MCM5: variants seen among roughly 807,000 people sequenced by gnomAD.
MCM5 encodes DNA replication licensing factor MCM5.
MCM5 carries 46 observed loss-of-function variants against 79.9 expected under a neutral mutation model. The observed-to-expected ratio is 0.58, with a 90% CI of 0.45 to 0.74. MCM5 has a LOEUF of 0.74. Among genes scored for constraint, MCM5 ranks in the 30% least tolerant of loss-of-function variants. The pLI is 0.00. For missense variants in MCM5, 883 were observed against 1,017.0 expected (o/e 0.87, Z 1.79); for synonymous variants, 404 against 390.5 (o/e 1.03, Z -0.41).
intron 12 of MCM5, among the ~76,000 whole-genome samples, chr22:35,417,131 A>G (rs566702061): frequency 6.6e-6 from 1 of 152,316 alleles, no homozygotes; most frequent in African/African-American, 2.4e-5. Context: ...ATAGAACCTC[A>G]GTTCTGGTTA....
In MCM5 at chr22:35,410,924, G is replaced by C. The variant is rs775760273; in HGVS notation, c.919+14G>C. On this transcript the variant is annotated intron_variant, in intron 7 of 16. Coordinates refer to ENST00000216122, the MANE Select transcript of MCM5 (RefSeq NM_006739.4). ...CAGATGGCTCTGGTGAGTTGGCTTT[G>C]GGGTCCTGGCTTAGCCCTGCTAAAA... The C allele has an allele frequency of 8.9e-6, 14 of 1,581,488 alleles. No homozygotes were observed. The highest frequency in any genetic ancestry group is 1.2e-5 in the Non-Finnish European group (14 of 1,160,924).
chr22:35,416,201 A>T, intron 10 of MCM5, 138 bp from the exon 11 acceptor site: 1 of 951,520 alleles, frequency 1.1e-6, no homozygotes, highest in Non-Finnish European at 1.6e-6. Context: ...CCATGATTAG[A>T]GGTGACCTGG....
intron 15 of MCM5, 76 bp from the exon 16 acceptor site, chr22:35,423,138 T>G: frequency 6.9e-7 from 1 of 1,456,982 alleles, no homozygotes; most frequent in Non-Finnish European, 9.2e-7. Flanking sequence ...TGTTCTTCCT[T>G]GGGCTAGAGG....
the MCM5 span, among the ~76,000 whole-genome samples, chr22:35,434,000 C>T: frequency 2.0e-5 from 3 of 152,204 alleles, no homozygotes; most frequent in Middle Eastern, 3.2e-3. Flanking sequence ...GGAAATCCTG[C>T]CATTGAATGC....
chr22:35,415,441 G>A (rs1045162776), intron 9 of MCM5, among the ~76,000 whole-genome samples: 1 of 151,990 alleles, frequency 6.6e-6, no homozygotes, highest in Non-Finnish European at 1.5e-5. Flanking sequence ...ATATAGAGAC[G>A]ACAAGGGACT....
intron 13 of MCM5, among the ~76,000 whole-genome samples, 157 bp downstream of exon 13, chr22:35,418,013 AACC>A (rs1932592534): frequency 6.6e-6 from 1 of 152,090 alleles, no homozygotes; most frequent in Non-Finnish European, 1.5e-5. Context: ...GCTCCCTTCT[AACC>A]TTGCGTAGCT....
Position 35,415,856 on chromosome 22 carries a change from G to T in MCM5, c.1231G>T (p.Ala411Ser). The T allele has an allele frequency of 6.2e-7, 1 of 1,613,792 alleles. No homozygotes were observed. The change falls in exon 10 of 17, where the codon GCA becomes TCA. Residue 411 changes from alanine (A) to serine (S), a missense_variant. By Grantham distance (99) the Ala-to-Ser change is moderately conservative. Transcript: ENST00000216122. Reference protein sequence around the residue: ...GVYTSGKGSSAAGLTASVMRD... With the variant: ...GVYTSGKGSSSAGLTASVMRD... ...ATACACGTCTGGGAAAGGCAGCAGC[G>T]CAGCTGGACTGACAGCCTCGGTGAT... is the stretch of plus-strand genomic sequence containing the variant.
intron 7 of MCM5, among the ~76,000 whole-genome samples, chr22:35,412,231 A>C (rs1601757203): frequency 6.6e-6 from 1 of 152,040 alleles, no homozygotes; most frequent in South Asian, 2.1e-4. Context: ...GAAAGGGGAG[A>C]CCTTCCAGTG....
the MCM5 span, among the ~76,000 whole-genome samples, chr22:35,437,394 T>C: frequency 6.6e-6 from 1 of 151,788 alleles, no homozygotes; most frequent in East Asian, 1.9e-4. Flanking sequence ...ATAACAAGAG[T>C]TGGGTGGGCC....
At chr22:35,453,427 C>CAGAGACAGAGACAGGGACAGAGAGAT in the MCM5 span, among the ~76,000 whole-genome samples, 10 of 143,072 alleles carry the variant, frequency 7.0e-5, no homozygotes, top group South Asian at 2.2e-3. Context: ...CAGAGAGACA[C>CAGAGACAGAGACAGGGACAGAGAGAT]AGAGACAGAG....
At chr22:35,424,011 TA>T in intron 16 of MCM5, 142 bp from the exon 17 acceptor site, 1 of 596,314 alleles carries the variant, frequency 1.7e-6, no homozygotes, top group Non-Finnish European at 3.0e-6. Flanking sequence ...CAGTGTCTGG[TA>T]CACAGTGGGC....
Position 35,413,989 on chromosome 22 carries a change from G to T in MCM5, c.1203+3G>T, listed in dbSNP as rs759975147. On this transcript the variant is annotated splice_donor_region_variant and intron_variant, in intron 9 of 16. Coordinates refer to ENST00000216122, the MANE Select transcript of MCM5 (RefSeq NM_006739.4). ...TGGAGAAGTGTTCTCCCATTGGGGT[G>T]AGTGGCCTGGGATACCTTTGCCACC... 2 of 1,605,980 alleles carry T rather than the reference G, an allele frequency of 1.2e-6. No homozygotes were observed. Among genetic ancestry groups the T allele is most frequent in the East Asian group, 2.2e-5 (1 of 44,846 alleles).
chr22:35,416,272 C>T (rs1246507941), intron 10 of MCM5, 67 bp from the exon 11 acceptor site: 2 of 1,484,024 alleles, frequency 1.3e-6, no homozygotes, highest in East Asian at 2.3e-5. Context: ...GTTAGTTTTC[C>T]TGTTTCTACT....
rs4645766 is a variant in MCM5, at chr22:35,407,608, A to G, written c.597-800A>G. 6.5e-3 allele frequency among the ~76,000 whole-genome samples: 991 copies of G among 152,138 alleles called. 6 individuals carry two copies. The highest frequency in any genetic ancestry group is 9.2e-3 in the Non-Finnish European group (625 of 67,986). ...TGCCTTTGACCTTGCTGTTTCCTCT[A>G]CTGGGAGTGCTGTTCCTCAAGCTAC... is the stretch of plus-strand genomic sequence containing the variant. On this transcript the variant is annotated intron_variant, in intron 5 of 16. Transcript: ENST00000216122.
At position 35,424,305 on chromosome 22, in the gene MCM5, T is replaced by C; in HGVS notation, c.*50T>C. 1 of 1,300,444 alleles carries C rather than the reference T, an allele frequency of 7.7e-7. No individual in the cohort carries two copies. The highest frequency in any genetic ancestry group is 1.1e-6 in the Non-Finnish European group (1 of 939,088). 80.6% of individuals were successfully genotyped at this position (1,300,444 alleles called of 1,614,324 possible). A position where few individuals can be genotyped will look rare whatever the true frequency, so the allele number is the denominator to read the frequency against. ...GGACTCGCCCACGCCTCGCCCCTCC[T>C]GCCGCTGCCTGCCATTGACAATGTT... On this transcript the variant is annotated 3_prime_UTR_variant, in exon 17 of 17. Coordinates refer to ENST00000216122, the MANE Select transcript of MCM5 (RefSeq NM_006739.4).
chr22:35,412,982 G>C (rs555902867), intron 8 of MCM5, among the ~76,000 whole-genome samples: 4 of 152,096 alleles, frequency 2.6e-5, no homozygotes, highest in African/African-American at 7.2e-5. Context: ...ACTGAGCTTG[G>C]GGTCAGTAGC....
At position 35,403,492 on chromosome 22, in the gene MCM5, C is replaced by T; in HGVS notation, c.373C>T (p.Gln125Ter). Residue 125 changes from glutamine to a stop codon, truncating the protein, a stop_gained, in exon 4 of 17, where the codon CAG (glutamine) becomes TAG (stop). Coordinates refer to ENST00000216122, the MANE Select transcript of MCM5 (RefSeq NM_006739.4). LOFTEE classifies it high-confidence loss of function. ...PSGEEVLQDI[Q>*]VMLKSDASPS... ...TGGGGAGGAGGTGCTCCAGGACATC[C>T]AGGTCATGCTCAAGTCGGACGCCAG... 2.5e-6 allele frequency: 4 copies of T among 1,614,132 alleles called. No homozygotes were observed. Among genetic ancestry groups the T allele is most frequent in the Non-Finnish European group, 3.4e-6 (4 of 1,180,022 alleles).
intron 4 of MCM5, among the ~76,000 whole-genome samples, chr22:35,404,205 A>G (rs1023578616): frequency 1.3e-5 from 2 of 152,246 alleles, no homozygotes; most frequent in Non-Finnish European, 2.9e-5. Context: ...TGAAACATCA[A>G]AGATCTCTTA....
At chr22:35,402,078 G>A (rs1301044287) in intron 2 of MCM5, among the ~76,000 whole-genome samples, 1 of 152,144 alleles carries the variant, frequency 6.6e-6, no homozygotes, top group Non-Finnish European at 1.5e-5. Flanking sequence ...CCCCAAATAT[G>A]TTCTTGCCAC....
Sources: allele counts gnomAD v4.1 joint callset (sites outside exome capture counted in the v4.1 genomes callset), GRCh38; gene constraint gnomAD v4.1.1; transcripts MANE v1.5; gene names NCBI Gene and HGNC (gene_info 2026-07-23, HGNC 2026-07-21).